Variants in EIF2AK3 observed in about 807,000 individuals in gnomAD.
EIF2AK3 encodes the protein eukaryotic translation initiation factor 2 alpha kinase 3.
A neutral mutation model predicts 113.5 loss-of-function variants in EIF2AK3; 50 were observed. That is an observed-to-expected ratio of 0.44 (90% CI 0.35 to 0.56). The LOEUF (loss-of-function observed/expected upper bound fraction) is 0.56. EIF2AK3 is among the 20% of genes least tolerant of loss of function. EIF2AK3 has a pLI of 0.00. For synonymous variants in EIF2AK3, 448 were observed against 495.4 expected (o/e 0.90, Z 1.27); for missense variants, 1,185 against 1,378.0 (o/e 0.86, Z 2.22).
chr2:88,606,054 TA>T (rs758221451), intron 2 of EIF2AK3, among the ~76,000 whole-genome samples: 130 of 152,280 alleles, frequency 8.5e-4, no homozygotes, highest in Non-Finnish European at 1.4e-3. Context: ...GTATTTATCT[TA>T]AAAAATGTAA....
chr2:88,574,193 C>G (rs928631497), intron 13 of EIF2AK3, among the ~76,000 whole-genome samples: 1 of 152,092 alleles, frequency 6.6e-6, no homozygotes, highest in Non-Finnish European at 1.5e-5. Flanking sequence ...TGGAGATTTG[C>G]CCCAATTCAA....
At chr2:88,588,704 G>T in intron 7 of EIF2AK3, 57 bp downstream of exon 7, 1 of 1,593,642 alleles carries the variant, frequency 6.3e-7, no homozygotes, top group Non-Finnish European at 8.6e-7. Flanking sequence ...GGCAAAGACA[G>T]TCAGGATTAG....
chr2:88,578,987 T>A (rs1476110744), intron 11 of EIF2AK3, among the ~76,000 whole-genome samples: 1 of 152,186 alleles, frequency 6.6e-6, no homozygotes, highest in African/African-American at 2.4e-5. Context: ...ATACTTTTAA[T>A]ATATTTTAGG....
intron 2 of EIF2AK3, among the ~76,000 whole-genome samples, chr2:88,596,942 T>TA (rs1158882746): frequency 6.6e-6 from 1 of 152,194 alleles, no homozygotes; most frequent in Non-Finnish European, 1.5e-5. Flanking sequence ...CTTTGGCATT[T>TA]AAAAAACGCA....
intron 2 of EIF2AK3, among the ~76,000 whole-genome samples, chr2:88,605,990 C>G (rs1317130625): frequency 6.6e-6 from 1 of 152,088 alleles, no homozygotes; most frequent in Non-Finnish European, 1.5e-5. Flanking sequence ...CAGATTGCAT[C>G]CCAAGTGATA....
chr2:88,607,296 G>A (rs2104460433), intron 2 of EIF2AK3, among the ~76,000 whole-genome samples: 1 of 152,268 alleles, frequency 6.6e-6, no homozygotes, highest in Admixed American at 6.5e-5. Flanking sequence ...GGTTGAATCT[G>A]AATATAAATT....
At chr2:88,624,540 C>T (rs1243199228) in intron 1 of EIF2AK3, among the ~76,000 whole-genome samples, 1 of 152,206 alleles carries the variant, frequency 6.6e-6, no homozygotes, top group Admixed American at 6.5e-5. Flanking sequence ...AGCTGTATTT[C>T]TGTCTCCTTT....
At position 88,569,704 on chromosome 2, in the gene EIF2AK3, C is replaced by T. The variant is rs576324940; in HGVS notation, c.2985+1170G>A. On this transcript the variant is annotated intron_variant, in intron 14 of 16. Coordinates refer to ENST00000303236, the MANE Select transcript of EIF2AK3 (RefSeq NM_004836.7). ...GATCCATTCAAAGTACAAAATGGAC[C>T]AAGGGATGTTAAAAGTACCAGAGTA... 2.6e-5 allele frequency among the ~76,000 whole-genome samples: 4 copies of T among 152,132 alleles called. No homozygotes were observed. In the East Asian group the frequency reaches 7.7e-4, roughly 29 times the overall value.
chr2:88,608,903 TTTGTA>T (rs1675362405), intron 2 of EIF2AK3, among the ~76,000 whole-genome samples: 1 of 150,608 alleles, frequency 6.6e-6, no homozygotes, highest in Non-Finnish European at 1.5e-5. Context: ...TTTTTTGTAT[TTTGTA>T]TTTTTTGTAG....
chr2:88,576,086 G>A (rs941459633), intron 12 of EIF2AK3, among the ~76,000 whole-genome samples: 2 of 152,200 alleles, frequency 1.3e-5, no homozygotes, highest in Middle Eastern at 3.4e-3. Context: ...ACTTAAAAAG[G>A]AGCTGTAAAT....
intron 1 of EIF2AK3, among the ~76,000 whole-genome samples, chr2:88,617,231 G>C (rs928488923): frequency 6.6e-6 from 1 of 152,138 alleles, no homozygotes; most frequent in Non-Finnish European, 1.5e-5. Context: ...GCAAAGACAC[G>C]GAATCAGTCT....
chr2:88,574,057 T>C (rs1012451105), intron 13 of EIF2AK3, among the ~76,000 whole-genome samples: 3 of 152,226 alleles, frequency 2.0e-5, no homozygotes, highest in Non-Finnish European at 4.4e-5. Context: ...ACTGAATATA[T>C]TGAAAATAGA....
chr2:88,579,943 C>G (rs1196234639), intron 10 of EIF2AK3: 1 of 299,294 alleles, frequency 3.3e-6, no homozygotes, highest in African/African-American at 2.2e-5. Flanking sequence ...CCAATACTTC[C>G]TATCATCTAC....
At chr2:88,567,544 A>T (rs1674170236) in intron 14 of EIF2AK3, among the ~76,000 whole-genome samples, 1 of 152,244 alleles carries the variant, frequency 6.6e-6, no homozygotes, top group African/African-American at 2.4e-5. Context: ...AAGCATACTT[A>T]AAATTATTTG....
At chr2:88,619,914 C>CCA (rs1249430574) in intron 1 of EIF2AK3, among the ~76,000 whole-genome samples, 1 of 150,384 alleles carries the variant, frequency 6.6e-6, no homozygotes, top group Non-Finnish European at 1.5e-5. Flanking sequence ...TAAGATTGCA[C>CCA]CACTGCACTC....
chr2:88,557,426 A>C lies in EIF2AK3; in HGVS notation c.*310T>G. 2 of 318,858 alleles carry C rather than the reference A, an allele frequency of 6.3e-6. No individual in the cohort carries two copies. The highest frequency in any genetic ancestry group is 3.5e-5 in the South Asian group (1 of 28,364). 19.8% of individuals were successfully genotyped at this position (318,858 alleles called of 1,614,324 possible). The stretch of plus-strand genomic sequence containing the variant: ...AAATATATCCATTTTAGTTCTCACT[A>C]TATATATATATTAGGGATTGCTGCT... On this transcript the variant is annotated 3_prime_UTR_variant, in exon 17 of 17. Transcript: ENST00000303236.
intron 2 of EIF2AK3, among the ~76,000 whole-genome samples, chr2:88,599,018 T>A (rs1259745119): frequency 4.1e-5 from 6 of 146,678 alleles, no homozygotes; most frequent in Non-Finnish European, 7.6e-5. Flanking sequence ...GCACATAAGG[T>A]TTTTTTTTTT....
chr2:88,576,722 T>G lies in EIF2AK3; in HGVS notation c.1887-19A>C, dbSNP rs759994814. 7 of 1,613,304 alleles carry G rather than the reference T, an allele frequency of 4.3e-6. No individual in the cohort carries two copies. Among genetic ancestry groups the G allele is most frequent in the Non-Finnish European group, 5.9e-6 (7 of 1,179,686 alleles). ...CAATTCCCTGAAAGAGAGAAAATAT[T>G]TAAGGTGATGGATATTCCAATTACA... On this transcript the variant is annotated intron_variant, in intron 11 of 16. Transcript: ENST00000303236.
In EIF2AK3 at chr2:88,590,540, A is replaced by C. The variant is rs1374073234; in HGVS notation, c.1068T>G (p.Phe356Leu). Residue 356 changes from phenylalanine (F) to leucine (L), a missense_variant, in exon 6 of 17, where the codon TTT (phenylalanine) becomes TTG (leucine). Physicochemically the swap from Phe to Leu is conservative, Grantham distance 22. Around this residue, in one of 3 missense-constraint regions of EIF2AK3, gnomAD observed 877 missense variants for 1,024.2 expected, o/e 0.86. Coordinates refer to ENST00000303236, the MANE Select transcript of EIF2AK3 (RefSeq NM_004836.7). ...CATTAGATGTATAACTTGTATCATC[A>C]AAAAGACTGATGGGAATGACTTTCC... ...KDGKVIPISLFDDTSYTSNDD... is the reference protein window; with the variant it reads ...KDGKVIPISLLDDTSYTSNDD... 1.2e-6 allele frequency: 2 copies of C among 1,613,706 alleles called. No individual in the cohort carries two copies.
Sources: allele counts gnomAD v4.1 joint callset (sites outside exome capture counted in the v4.1 genomes callset), GRCh38; gene constraint gnomAD v4.1.1; regional missense constraint gnomAD v4.1.1; transcripts MANE v1.5; gene names NCBI Gene and HGNC (gene_info 2026-07-23, HGNC 2026-07-21).